ATP6V1E1: variants seen among roughly 807,000 people sequenced by gnomAD.
ATP6V1E1 encodes V-type proton ATPase subunit E 1.
Under a neutral mutation model 35.2 loss-of-function variants are expected in ATP6V1E1, and 21 were observed. That is an observed-to-expected ratio of 0.60 (90% confidence interval 0.42 to 0.86). The LOEUF (loss-of-function observed/expected upper bound fraction) is 0.86. Ranked by LOEUF, ATP6V1E1 falls within the 40% of genes least tolerant of loss-of-function variation. The probability of loss-of-function intolerance (pLI) is 0.00; values close to 1 mark genes in which losing one functional copy is unlikely to be tolerated. For synonymous variants in ATP6V1E1, 83 were observed against 87.8 expected, an observed-to-expected ratio of 0.95 and a Z score of 0.30; for missense variants, 183 against 272.6, an observed-to-expected ratio of 0.67 and a Z score of 2.32.
intron 2 of ATP6V1E1, among the ~76,000 whole-genome samples, chr22:17,616,034 A>AAAACAAACAAAC (rs147264574): frequency 6.8e-6 from 1 of 147,756 alleles, no homozygotes; most frequent in Non-Finnish European, 1.5e-5. Flanking sequence ...TCCATCTCAA[A>AAAACAAACAAAC]AAACAAACAA....
At chr22:17,621,790 A>G (rs191815248) in intron 1 of ATP6V1E1, among the ~76,000 whole-genome samples, 2,293 of 152,306 alleles carry the variant, frequency 0.015, 37 homozygotes, top group Non-Finnish European at 0.021. Flanking sequence ...CTCAGCTTGT[A>G]TAACTATCAC....
chr22:17,593,625 G>A (rs1232497677), intron 8 of ATP6V1E1, among the ~76,000 whole-genome samples: 1 of 152,238 alleles, frequency 6.6e-6, no homozygotes, highest in East Asian at 1.9e-4. Flanking sequence ...GGATGGGACA[G>A]TGGCTACTAG....
Position 17,594,630 on chromosome 22 carries a change from A to AT in ATP6V1E1, c.531-15_531-14insA. 1 of 1,391,188 alleles carries AT rather than the reference A, an allele frequency of 7.2e-7. No individual in the cohort carries two copies. Among genetic ancestry groups the AT allele is most frequent in the Non-Finnish European group, 9.9e-7 (1 of 1,014,050 alleles). The allele number at this position is 1,391,188 out of a possible 1,614,324, so 86.2% of individuals were successfully genotyped here. On this transcript the variant is annotated splice_polypyrimidine_tract_variant and intron_variant, in intron 7 of 8. Transcript: ENST00000253413. ...ACTCCACCAGCTCTGCAAAAAAAAA[A>AT]GCACAGGAAATAATCATTTTCAAAG...
intron 4 of ATP6V1E1, among the ~76,000 whole-genome samples, chr22:17,608,779 T>C (rs903752109): frequency 1.8e-4 from 28 of 152,166 alleles, no homozygotes; most frequent in Non-Finnish European, 3.5e-4. Context: ...AAAACTATCC[T>C]AAGTTGAAAT....
chr22:17,624,337 C>T (rs189598784), intron 1 of ATP6V1E1, among the ~76,000 whole-genome samples: 3 of 152,214 alleles, frequency 2.0e-5, no homozygotes, highest in Admixed American at 6.5e-5. Flanking sequence ...GGGCAGATCA[C>T]GAGGTCAGGA....
intron 1 of ATP6V1E1, among the ~76,000 whole-genome samples, chr22:17,624,868 A>G (rs1344250000): frequency 2.6e-5 from 4 of 152,164 alleles, no homozygotes; most frequent in Non-Finnish European, 4.4e-5. Flanking sequence ...CTATAGCTTT[A>G]TCTTTATACT....
At chr22:17,618,305 C>G (rs1468780323) in intron 2 of ATP6V1E1, among the ~76,000 whole-genome samples, 1 of 152,040 alleles carries the variant, frequency 6.6e-6, no homozygotes, top group East Asian at 1.9e-4. Context: ...GGCATCACAA[C>G]CATTAGAAAG....
chr22:17,622,336 C>T (rs1259426584), intron 1 of ATP6V1E1, among the ~76,000 whole-genome samples: 2 of 152,176 alleles, frequency 1.3e-5, no homozygotes, highest in Admixed American at 1.3e-4. Context: ...GAATGCAAAT[C>T]TGTTGGGAGT....
chr22:17,613,049 G>A, intron 3 of ATP6V1E1, 162 bp downstream of exon 3: 5 of 898,340 alleles, frequency 5.6e-6, no homozygotes, highest in Non-Finnish European at 8.6e-6. Context: ...AATCCTGTCA[G>A]GCTTTAATTT....
At chr22:17,607,244 G>A (rs998157878) in intron 4 of ATP6V1E1, among the ~76,000 whole-genome samples, 31 of 151,744 alleles carry the variant, frequency 2.0e-4, no homozygotes, top group African/African-American at 6.1e-4. Flanking sequence ...TGCAACATCT[G>A]ACTCCCTGGT....
At chr22:17,624,972 G>A (rs1233802322) in intron 1 of ATP6V1E1, among the ~76,000 whole-genome samples, 1 of 152,172 alleles carries the variant, frequency 6.6e-6, no homozygotes, top group African/African-American at 2.4e-5. Context: ...TGGCCACTAA[G>A]AGTATATGGA....
intron 4 of ATP6V1E1, among the ~76,000 whole-genome samples, chr22:17,603,933 T>A (rs1192986807): frequency 2.0e-5 from 3 of 152,196 alleles, no homozygotes; most frequent in Admixed American, 6.5e-5. Context: ...GAGACGAGGC[T>A]ACTCCAGTAA....
At position 17,596,786 on chromosome 22, in the gene ATP6V1E1, T is replaced by A. The variant is rs924173800; in HGVS notation, c.530+1408A>T. 2.0e-5 allele frequency among the ~76,000 whole-genome samples: 3 copies of A among 152,056 alleles called. No homozygotes were observed. In the East Asian group the frequency reaches 5.8e-4, roughly 29 times the overall value. On this transcript the variant is annotated intron_variant, in intron 7 of 8. Coordinates refer to ENST00000253413, the MANE Select transcript of ATP6V1E1 (RefSeq NM_001696.4). ...TTACAGAGCATTTTCACATGTACTA[T>A]CTCATCTTTTTTTCTTCACTGCATG...
At chr22:17,623,834 C>T (rs922453430) in intron 1 of ATP6V1E1, among the ~76,000 whole-genome samples, 4 of 152,070 alleles carry the variant, frequency 2.6e-5, no homozygotes, top group African/African-American at 7.2e-5. Context: ...GAGCAAACTG[C>T]GCTAATTCTA....
At chr22:17,613,346 T>C (rs376066633) in intron 2 of ATP6V1E1, 26 bp from the exon 3 acceptor site, 10 of 1,586,188 alleles carry the variant, frequency 6.3e-6, no homozygotes, top group Non-Finnish European at 8.7e-6. Flanking sequence ...TCAATATTAA[T>C]TCATTACATC....
At chr22:17,600,771 A>G (rs867101210) in intron 5 of ATP6V1E1, 1 of 185,594 alleles carries the variant, frequency 5.4e-6, no homozygotes, top group Non-Finnish European at 1.1e-5. Context: ...TAAAGCAAGT[A>G]TTTTAGTGGC....
At chr22:17,596,411 T>C (rs1296822) in intron 7 of ATP6V1E1, among the ~76,000 whole-genome samples, 15,446 of 151,984 alleles carry the variant, frequency 0.1, 1,121 homozygotes, top group African/African-American at 0.19. Flanking sequence ...GCTGGTATGA[T>C]AGGGAGTCTG....
intron 1 of ATP6V1E1, among the ~76,000 whole-genome samples, chr22:17,624,220 G>A (rs983718409): frequency 1.3e-5 from 2 of 152,150 alleles, no homozygotes; most frequent in African/African-American, 4.8e-5. Context: ...TAGCATGAAG[G>A]ATTATAGGAA....
intron 1 of ATP6V1E1, among the ~76,000 whole-genome samples, chr22:17,622,264 A>G (rs1305305245): frequency 7.2e-6 from 1 of 138,940 alleles, no homozygotes; most frequent in Admixed American, 7.0e-5. Context: ...CTTTTATGCC[A>G]GTGTGAACCC....
Sources: allele counts gnomAD v4.1 joint callset (sites outside exome capture counted in the v4.1 genomes callset), GRCh38; gene constraint gnomAD v4.1.1; transcripts MANE v1.5; gene names NCBI Gene and HGNC (gene_info 2026-07-23, HGNC 2026-07-21).